Variants in CSMD1 observed in about 807,000 individuals in gnomAD.
CSMD1 encodes CUB and sushi domain-containing protein 1.
A neutral mutation model predicts 417.5 loss-of-function variants in CSMD1; 213 were observed. The ratio of observed to expected loss-of-function variants is 0.51; its 90% CI spans 0.46 to 0.57. The LOEUF (loss-of-function observed/expected upper bound fraction) is 0.57, where lower values mean the gene tolerates loss of function less well. CSMD1 is among the 20% of genes least tolerant of loss of function. The pLI, the probability that CSMD1 is intolerant of heterozygous loss-of-function variation, is 0.00. For synonymous variants in CSMD1, 2,862 were observed against 1,736.8 expected, an observed-to-expected ratio of 1.65 and a Z score of -16.11; for missense variants, 6,923 against 4,529.7, an observed-to-expected ratio of 1.53 and a Z score of -15.17.
rs137972009 is a variant in CSMD1 at position 3,907,150 on chromosome 8, T to G, written c.818+90753A>C. On this transcript the variant is annotated intron_variant, in intron 5 of 69. Transcript: ENST00000635120. ...ATAAACATTACTTTTCATGTTACGT[T>G]GTGTATTACTTTAAACGGCACACAC... Among the ~76,000 whole-genome samples the G allele has an allele frequency of 4.3e-3, 648 of 152,336 alleles. 5 individuals carry two copies. The highest frequency in any genetic ancestry group is 0.014 in the African/African-American group (566 of 41,568).
At chr8:4,748,489 T>G (rs766773539) in intron 1 of CSMD1, among the ~76,000 whole-genome samples, 13 of 152,216 alleles carry the variant, frequency 8.5e-5, no homozygotes, top group Non-Finnish European at 1.5e-4. Context: ...TGGCTGTGCG[T>G]CAGTTCCCAT....
intron 5 of CSMD1, among the ~76,000 whole-genome samples, chr8:3,770,555 A>G (rs1354014381): frequency 2.0e-5 from 3 of 152,132 alleles, no homozygotes; most frequent in East Asian, 3.9e-4. Flanking sequence ...AAAAGTAAAG[A>G]AAGAACATAA....
intron 26 of CSMD1, among the ~76,000 whole-genome samples, chr8:3,245,099 A>T (rs1369555896): frequency 2.6e-5 from 4 of 152,222 alleles, no homozygotes; most frequent in Non-Finnish European, 4.4e-5. Context: ...TGTAAAGCAG[A>T]TCATGAATTT....
Position 4,357,524 on chromosome 8 carries a change from C to G in CSMD1, c.415+62429G>C, listed in dbSNP as rs143549681. The stretch of plus-strand genomic sequence containing the variant: ...CCACAGTTCCTCTGCACTACCATCT[C>G]TAAGTAAGTTGGAAATGCACAGTTG... On this transcript the variant is annotated intron_variant, in intron 3 of 69. Coordinates refer to ENST00000635120, the MANE Select transcript of CSMD1 (RefSeq NM_033225.6). 5.3e-4 allele frequency among the ~76,000 whole-genome samples: 81 copies of G among 152,224 alleles called. 1 individual carries two copies. Among genetic ancestry groups the G allele is most frequent in the African/African-American group, 1.8e-3 (74 of 41,536 alleles).
intron 1 of CSMD1, among the ~76,000 whole-genome samples, chr8:4,987,523 T>C (rs2117462322): frequency 6.6e-6 from 1 of 152,314 alleles, no homozygotes; most frequent in Admixed American, 6.5e-5. Flanking sequence ...TTAGTTTTTC[T>C]TGAATTTCAT....
At chr8:4,909,267 G>A (rs1268279510) in intron 1 of CSMD1, among the ~76,000 whole-genome samples, 1 of 152,104 alleles carries the variant, frequency 6.6e-6, no homozygotes, top group East Asian at 1.9e-4. Flanking sequence ...GAGTCTTTTA[G>A]TGATCCTGTG....
chr8:4,163,927 T>C (rs1275797904), intron 3 of CSMD1, among the ~76,000 whole-genome samples: 3 of 152,192 alleles, frequency 2.0e-5, no homozygotes, highest in Non-Finnish European at 4.4e-5. Flanking sequence ...TGACTTTCCA[T>C]CTGTTATATA....
At chr8:3,658,877 G>A (rs1473979479) in intron 7 of CSMD1, among the ~76,000 whole-genome samples, 7 of 152,102 alleles carry the variant, frequency 4.6e-5, no homozygotes, top group African/African-American at 7.2e-5. Context: ...GGGATGTTTC[G>A]AATGCCTTCT....
chr8:4,425,630 C>T (rs141112848), intron 2 of CSMD1, among the ~76,000 whole-genome samples: 3 of 152,104 alleles, frequency 2.0e-5, no homozygotes, highest in Admixed American at 6.6e-5. Flanking sequence ...AGGGCCCTTG[C>T]GATACATTTT....
chr8:4,073,237 G>C (rs532429106), intron 3 of CSMD1, among the ~76,000 whole-genome samples: 1 of 152,138 alleles, frequency 6.6e-6, no homozygotes, highest in Non-Finnish European at 1.5e-5. Context: ...AGCAATAGGT[G>C]CATTAAATGA....
At chr8:3,447,903 C>G (rs192083933) in intron 12 of CSMD1, among the ~76,000 whole-genome samples, 1 of 152,070 alleles carries the variant, frequency 6.6e-6, no homozygotes, top group African/African-American at 2.4e-5. Context: ...GCAATGTAAC[C>G]CCAGAGGAGC....
At chr8:4,682,535 A>G (rs550590642) in intron 1 of CSMD1, among the ~76,000 whole-genome samples, 2 of 152,280 alleles carry the variant, frequency 1.3e-5, no homozygotes, top group Admixed American at 1.3e-4. Context: ...TCAGAAAAAA[A>G]TCCAATTAGA....
At chr8:3,862,122 A>T (rs1804755836) in intron 5 of CSMD1, among the ~76,000 whole-genome samples, 1 of 152,078 alleles carries the variant, frequency 6.6e-6, no homozygotes, top group African/African-American at 2.4e-5. Flanking sequence ...CAACTTTTTA[A>T]TCTGCCCTGC....
At chr8:3,303,852 G>A (rs1016331624) in intron 25 of CSMD1, among the ~76,000 whole-genome samples, 1 of 152,082 alleles carries the variant, frequency 6.6e-6, no homozygotes, top group Non-Finnish European at 1.5e-5. Context: ...AATTAAATTT[G>A]GCTCAGGTAA....
chr8:4,584,713 A>G (rs1363267475), intron 2 of CSMD1, among the ~76,000 whole-genome samples: 1 of 152,052 alleles, frequency 6.6e-6, no homozygotes, highest in Non-Finnish European at 1.5e-5. Flanking sequence ...CATCTATCCT[A>G]TCTATCCTGA....
At chr8:4,752,427 T>A (rs918190859) in intron 1 of CSMD1, among the ~76,000 whole-genome samples, 1 of 152,180 alleles carries the variant, frequency 6.6e-6, no homozygotes, top group Non-Finnish European at 1.5e-5. Flanking sequence ...AACTTGTGAC[T>A]GATTGTTTCA....
intron 1 of CSMD1, among the ~76,000 whole-genome samples, chr8:4,706,628 T>C (rs563937957): frequency 1.4e-3 from 217 of 152,334 alleles, no homozygotes; most frequent in African/African-American, 4.9e-3. Context: ...ATAAACAGTA[T>C]TTTAGGAGTG....
intron 3 of CSMD1, among the ~76,000 whole-genome samples, chr8:4,155,270 G>A (rs866160473): frequency 1.3e-5 from 2 of 152,174 alleles, no homozygotes; most frequent in Non-Finnish European, 2.9e-5. Context: ...GAATAAGTCC[G>A]GGTGTGAATT....
chr8:3,878,895 C>T lies in CSMD1; in HGVS notation c.818+119008G>A, dbSNP rs1806013175. 2.0e-5 allele frequency among the ~76,000 whole-genome samples: 3 copies of T among 152,144 alleles called. No individual in the cohort carries two copies. In the South Asian group the frequency reaches 6.2e-4, roughly 31 times the overall value. ...TGAGCTTAATTATTCACCAATATCACAAGTTATATGAAGTCTCAGAGAATG... is the reference window on the plus strand; with the variant it reads ...TGAGCTTAATTATTCACCAATATCATAAGTTATATGAAGTCTCAGAGAATG... On this transcript the variant is annotated intron_variant, in intron 5 of 69. Coordinates refer to ENST00000635120, the MANE Select transcript of CSMD1 (RefSeq NM_033225.6).
Sources: gnomAD v4.1 joint callset for allele counts (sites outside exome capture counted in the v4.1 genomes callset) on GRCh38, gnomAD v4.1.1 for gene constraint, MANE v1.5 for transcripts, NCBI Gene and HGNC (gene_info 2026-07-23, HGNC 2026-07-21) for gene names.